Variants in TXNL4A observed in about 807,000 individuals in gnomAD.
TXNL4A encodes the protein thioredoxin-like protein 4A.
TXNL4A carries 17 observed loss-of-function variants against 14.6 expected under a neutral mutation model. That is an observed-to-expected ratio of 1.16 (90% CI 0.80 to 1.74). The LOEUF (loss-of-function observed/expected upper bound fraction) is 1.74. TXNL4A is among the 40% of genes most tolerant of loss of function. The probability of loss-of-function intolerance (pLI) is 0.00; values close to 1 mark genes in which losing one functional copy is unlikely to be tolerated. For missense variants in TXNL4A, 74 were observed against 195.2 expected, an observed-to-expected ratio of 0.38 and a Z score of 3.70; for synonymous variants, 83 against 70.6, an observed-to-expected ratio of 1.18 and a Z score of -0.88.
At chr18:79,978,211 A>G (rs2051409327) in intron 1 of TXNL4A, among the ~76,000 whole-genome samples, 1 of 152,170 alleles carries the variant, frequency 6.6e-6, no homozygotes, top group Non-Finnish European at 1.5e-5. Context: ...GAAAACGTCC[A>G]CAGACATATT....
At chr18:79,989,651 ACT>A (rs1281197608), upstream of TXNL4A, among the ~76,000 whole-genome samples, 3 of 151,930 alleles carry the variant, frequency 2.0e-5, no homozygotes, top group Non-Finnish European at 4.4e-5. Flanking sequence ...TGATAGTAAA[ACT>A]CTTGTCTACT....
intron 1 of TXNL4A, among the ~76,000 whole-genome samples, chr18:80,023,235 T>C (rs555094030): frequency 7.2e-5 from 11 of 152,348 alleles, no homozygotes; most frequent in Admixed American, 7.2e-4. Flanking sequence ...ACCTGTTTTA[T>C]TAGGATAGCT....
intron 1 of TXNL4A, chr18:79,995,500 T>C (rs2051654781): frequency 6.6e-6 from 1 of 152,214 alleles, no homozygotes; most frequent in African/African-American, 2.4e-5. Flanking sequence ...TTAGACAATA[T>C]TGCAGGATGT....
chr18:79,973,656 G>A lies in TXNL4A; in HGVS notation c.*29C>T, dbSNP rs190980728. 25 of 1,579,630 alleles carry A rather than the reference G, an allele frequency of 1.6e-5. No homozygotes were observed. The African/African-American group carries it at 1.6e-4, about 10-fold the overall frequency. ...CGTTTCCATACAAAAAGGGCTCCAC[G>A]ACATTTATCCGCGCAGACTGAGGGC... On this transcript the variant is annotated 3_prime_UTR_variant, in exon 3 of 3. Transcript: ENST00000269601.
At chr18:79,991,432 T>C (rs1481570812), upstream of TXNL4A, among the ~76,000 whole-genome samples, 3 of 151,926 alleles carry the variant, frequency 2.0e-5, no homozygotes, top group African/African-American at 4.8e-5. Flanking sequence ...AAGGTCCATA[T>C]TGTAGCAGAC....
chr18:79,996,772 G>C (rs1396536409), intron 1 of TXNL4A, among the ~76,000 whole-genome samples: 1 of 152,070 alleles, frequency 6.6e-6, no homozygotes, highest in Non-Finnish European at 1.5e-5. Flanking sequence ...GTGAAACCTC[G>C]TCTCTAGTAA....
At chr18:80,006,703 T>C (rs2051733554) in intron 1 of TXNL4A, among the ~76,000 whole-genome samples, 2 of 152,176 alleles carry the variant, frequency 1.3e-5, no homozygotes, top group South Asian at 4.1e-4. Context: ...GGGAGTTTAA[T>C]AGGCAAAAGA....
chr18:79,977,534 T>C, intron 2 of TXNL4A, 64 bp downstream of exon 2: 1 of 1,327,196 alleles, frequency 7.5e-7, no homozygotes, highest in Non-Finnish European at 1.1e-6. Context: ...TAAAGAGATC[T>C]TGATTACATT....
chr18:80,024,864 C>T (rs1013930239), intron 1 of TXNL4A, among the ~76,000 whole-genome samples: 2 of 152,304 alleles, frequency 1.3e-5, no homozygotes, highest in Admixed American at 6.5e-5. Context: ...GCAAGCAGCA[C>T]ATTTTGGGTC....
chr18:79,978,832 A>G lies in TXNL4A; in HGVS notation c.154-1131T>C, dbSNP rs147413745. ...ATTCTTTCCCCTTTCTTATAGATATATATTTTTTAATTTGTTCATATTATT... is the reference window on the plus strand; with the variant it reads ...ATTCTTTCCCCTTTCTTATAGATATGTATTTTTTAATTTGTTCATATTATT... On this transcript the variant is annotated intron_variant, in intron 1 of 2. Transcript: ENST00000269601. Among the ~76,000 whole-genome samples, 199 of 151,496 alleles carry G rather than the reference A, an allele frequency of 1.3e-3. 1 individual carries two copies. Among genetic ancestry groups the G allele is most frequent in the African/African-American group, 4.6e-3 (188 of 41,250 alleles).
chr18:80,024,926 G>C (rs1026900935), intron 1 of TXNL4A, among the ~76,000 whole-genome samples: 1 of 152,004 alleles, frequency 6.6e-6, no homozygotes, highest in East Asian at 1.9e-4. Context: ...AAATTATGAG[G>C]AACAAGTCCT....
chr18:80,005,238 G>A (rs2051722098), intron 1 of TXNL4A, among the ~76,000 whole-genome samples: 1 of 152,210 alleles, frequency 6.6e-6, no homozygotes, highest in Non-Finnish European at 1.5e-5. Flanking sequence ...GTTGAGCAGC[G>A]GCCCTGGCCT....
In TXNL4A at chr18:80,007,978, C is replaced by T. The variant is rs181830671; in HGVS notation, c.-61+25873G>A. 1.1e-4 allele frequency among the ~76,000 whole-genome samples: 17 copies of T among 151,120 alleles called. No homozygotes were observed. The East Asian group carries it at 3.3e-3, about 29-fold the overall frequency. On this transcript the variant is annotated intron_variant, in intron 1 of 2. Transcript: ENST00000585474. ...ACAGCCTAGGCAACATAGTAAGACC[C>T]CCATCTCTACAAAAAATGCAAAATC...
intron 1 of TXNL4A, among the ~76,000 whole-genome samples, chr18:80,024,177 A>G (rs1297952007): frequency 1.4e-5 from 2 of 147,112 alleles, no homozygotes; most frequent in Non-Finnish European, 1.5e-5. Flanking sequence ...TCTGAGGTTT[A>G]TTCACTGTTT....
At chr18:80,018,544 G>A (rs2051827498) in intron 1 of TXNL4A, among the ~76,000 whole-genome samples, 1 of 152,076 alleles carries the variant, frequency 6.6e-6, no homozygotes, top group Admixed American at 6.5e-5. Flanking sequence ...AATGAATCCA[G>A]GAGCTGGTTT....
chr18:79,976,179 T>C (rs1404620885), intron 2 of TXNL4A, among the ~76,000 whole-genome samples: 2 of 151,000 alleles, frequency 1.3e-5, no homozygotes, highest in African/African-American at 4.9e-5. Context: ...AAGCCAGGAG[T>C]TCAAGCTTGC....
At chr18:80,029,724 C>G (rs2051909141) in intron 1 of TXNL4A, among the ~76,000 whole-genome samples, 1 of 152,194 alleles carries the variant, frequency 6.6e-6, no homozygotes, top group Non-Finnish European at 1.5e-5. Context: ...CCCCCTAGTG[C>G]TGCTTAAACT....
chr18:79,976,441 G>A (rs2051380514), intron 2 of TXNL4A, among the ~76,000 whole-genome samples: 1 of 152,130 alleles, frequency 6.6e-6, no homozygotes, highest in Admixed American at 6.5e-5. Context: ...TCAGGTAACA[G>A]CAGCAAGGAA....
At chr18:79,985,472 C>T (rs866723877) in intron 1 of TXNL4A, among the ~76,000 whole-genome samples, 9 of 152,128 alleles carry the variant, frequency 5.9e-5, no homozygotes, top group African/African-American at 1.9e-4. Flanking sequence ...GGGCTGTTCT[C>T]GAACTCCTGG....
Sources: gnomAD v4.1 joint callset for allele counts (sites outside exome capture counted in the v4.1 genomes callset) on GRCh38, gnomAD v4.1.1 for gene constraint, MANE v1.5 for transcripts, NCBI Gene and HGNC (gene_info 2026-07-23, HGNC 2026-07-21) for gene names.